TOR1AIP2: variants seen among roughly 807,000 people sequenced by gnomAD.
The protein encoded by TOR1AIP2 is torsin 1A interacting protein 2, also known as torsin-1A-interacting protein 2.
In TOR1AIP2, 20 loss-of-function variants were observed where a neutral mutation model predicts 32.6. That is an observed-to-expected ratio of 0.61 (90% confidence interval 0.43 to 0.89). The LOEUF is 0.89. Ranked by LOEUF, TOR1AIP2 falls within the 40% of genes least tolerant of loss-of-function variation. The probability of loss-of-function intolerance (pLI) is 0.00; values close to 1 mark genes in which losing one functional copy is unlikely to be tolerated. For missense variants in TOR1AIP2, 456 were observed against 553.8 expected, an observed-to-expected ratio of 0.82 and a Z score of 1.77; for synonymous variants, 214 against 210.8, an observed-to-expected ratio of 1.02 and a Z score of -0.13.
chr1:179,860,934 TC>T, intron 3 of TOR1AIP2: 1 of 985,522 alleles, frequency 1.0e-6, no homozygotes, highest in Non-Finnish European at 1.2e-6. Context: ...ATTTCTGCCT[TC>T]CTGTTTGCCT....
At chr1:179,849,039 G>A (rs1696023398) in intron 5 of TOR1AIP2, among the ~76,000 whole-genome samples, 1 of 152,134 alleles carries the variant, frequency 6.6e-6, no homozygotes, top group African/African-American at 2.4e-5. Context: ...GGGAGGCTGA[G>A]GCAGGAGAAT....
chr1:179,864,399 A>G, intron 3 of TOR1AIP2: 1 of 993,534 alleles, frequency 1.0e-6, no homozygotes, highest in Non-Finnish European at 1.2e-6. Flanking sequence ...GCTTTCCCAC[A>G]AAAGTTATCA....
At chr1:179,869,944 C>T (rs1196614645) in intron 2 of TOR1AIP2, among the ~76,000 whole-genome samples, 2 of 152,148 alleles carry the variant, frequency 1.3e-5, no homozygotes, top group African/African-American at 2.4e-5. Context: ...ACACTTTATT[C>T]GTATTAACTC....
chr1:179,872,736 G>A (rs552899158), intron 2 of TOR1AIP2, among the ~76,000 whole-genome samples: 110 of 152,096 alleles, frequency 7.2e-4, no homozygotes, highest in African/African-American at 2.4e-3. Flanking sequence ...CTCTAGTTTC[G>A]GTTGACCACG....
Position 179,841,099 on chromosome 1 carries a change from T to C in TOR1AIP2, c.*4972A>G, listed in dbSNP as rs1392534449. 6.6e-6 allele frequency: 1 copy of C among 152,024 alleles called. No homozygotes were observed. Among genetic ancestry groups the C allele is most frequent in the Non-Finnish European group, 1.5e-5 (1 of 67,914 alleles). 9.4% of individuals were successfully genotyped at this position (152,024 alleles called of 1,614,324 possible). Reference sequence around the variant, plus strand: ...CTGGAGAAACTGTTTTACAGGTATCTTAACTTTATTTAGCTCTCTGTAGAA... The same window carrying C: ...CTGGAGAAACTGTTTTACAGGTATCCTAACTTTATTTAGCTCTCTGTAGAA... On this transcript the variant is annotated 3_prime_UTR_variant, in exon 7 of 7. Coordinates refer to ENST00000609928, the MANE Select transcript of TOR1AIP2 (RefSeq NM_001199260.2).
Position 179,876,358 on chromosome 1 carries a change from C to A in TOR1AIP2, c.-566+881G>T, listed in dbSNP as rs1459015724. Among the ~76,000 whole-genome samples, 23 of 152,146 alleles carry A rather than the reference C, an allele frequency of 1.5e-4. 1 individual carries two copies. The highest frequency in any genetic ancestry group is 1.5e-3 in the Admixed American group (23 of 15,276). On this transcript the variant is annotated intron_variant, in intron 2 of 6. Coordinates refer to ENST00000609928, the MANE Select transcript of TOR1AIP2 (RefSeq NM_001199260.2). The stretch of plus-strand genomic sequence containing the variant: ...TAAATTATTGAAGCTCTCAAGCTAG[C>A]ATTACCTCTACATTAGGAAAGAAAC...
intron 2 of TOR1AIP2, among the ~76,000 whole-genome samples, chr1:179,872,972 C>T (rs479094): frequency 0.45 from 68,119 of 152,082 alleles, 16,565 homozygotes; most frequent in African/African-American, 0.65. Flanking sequence ...TAGCATCTTA[C>T]ATAATTAAAG....
chr1:179,851,017 T>A lies in TOR1AIP2; in HGVS notation c.381A>T (p.Arg127Ser). Residue 127 changes from arginine (R) to serine (S), a missense_variant, in exon 5 of 7, where the codon AGA becomes AGT. Physicochemically the swap from Arg to Ser is moderately radical, Grantham distance 110 (BLOSUM62 -1). Transcript: ENST00000609928. ...PSHSPSDKVG[R>S]ADAHLGSSSV... is the part of the protein sequence containing the mutation. ...AGCTGCTCCCTAAGTGTGCATCTGCTCTTCCTACCTTGTCACTTGGAGAAT... is the reference window on the plus strand; with the variant it reads ...AGCTGCTCCCTAAGTGTGCATCTGCACTTCCTACCTTGTCACTTGGAGAAT... The A allele has an allele frequency of 3.1e-6, 5 of 1,614,216 alleles. No homozygotes were observed. The highest frequency in any genetic ancestry group is 1.6e-4 in the Middle Eastern group (1 of 6,062).
chr1:179,875,926 A>C (rs1051397310), intron 2 of TOR1AIP2: 14 of 152,238 alleles, frequency 9.2e-5, no homozygotes, highest in Non-Finnish European at 1.8e-4. Flanking sequence ...CTTGTAGGAC[A>C]CAGTTTAATC....
At chr1:179,854,805 A>G (rs1168312535) in intron 3 of TOR1AIP2, among the ~76,000 whole-genome samples, 2 of 152,232 alleles carry the variant, frequency 1.3e-5, no homozygotes, top group Non-Finnish European at 1.5e-5. Context: ...CGGGAGGCAG[A>G]GGTTGCAGTG....
intron 5 of TOR1AIP2, among the ~76,000 whole-genome samples, chr1:179,848,382 C>T (rs1464841892): frequency 1.3e-5 from 2 of 152,134 alleles, no homozygotes; most frequent in Non-Finnish European, 2.9e-5. Flanking sequence ...AACAGAGGCA[C>T]TAAGTTCTAA....
At chr1:179,847,463 GTT>G in intron 6 of TOR1AIP2, 70 bp downstream of exon 6, 1 of 1,013,532 alleles carries the variant, frequency 9.9e-7, no homozygotes, top group Non-Finnish European at 1.6e-6. Context: ...AAATCTGCTA[GTT>G]TTCTAGGCAT....
In TOR1AIP2 at chr1:179,865,153, G is replaced by A. The variant is rs747002821; in HGVS notation, c.-147+283C>T. On this transcript the variant is annotated intron_variant, in intron 3 of 6. Coordinates refer to ENST00000609928, the MANE Select transcript of TOR1AIP2 (RefSeq NM_001199260.2). ...GGAACCACTGTTGTCCACAATCAGGGCAATGTGAATTATCTGAAAACATCT... is the reference window on the plus strand; with the variant it reads ...GGAACCACTGTTGTCCACAATCAGGACAATGTGAATTATCTGAAAACATCT... 2.5e-6 allele frequency: 4 copies of A among 1,608,672 alleles called. No individual in the cohort carries two copies. The African/African-American group carries it at 4.0e-5, about 16-fold the overall frequency.
intron 3 of TOR1AIP2, among the ~76,000 whole-genome samples, chr1:179,858,810 G>A (rs1696404976): frequency 6.6e-6 from 1 of 152,132 alleles, no homozygotes; most frequent in Non-Finnish European, 1.5e-5. Flanking sequence ...CAAATTGCTA[G>A]CATTGCCATG....
At chr1:179,864,111 T>C in intron 3 of TOR1AIP2, 15 of 985,428 alleles carry the variant, frequency 1.5e-5, no homozygotes, top group Non-Finnish European at 1.8e-5. Flanking sequence ...TATGGACAGG[T>C]GGCATTTCTG....
At chr1:179,856,205 C>T (rs1696296051) in intron 3 of TOR1AIP2, among the ~76,000 whole-genome samples, 1 of 152,056 alleles carries the variant, frequency 6.6e-6, no homozygotes, top group Admixed American at 6.6e-5. Flanking sequence ...AATATCTTTA[C>T]TGAGGTGGTG....
chr1:179,841,286 G>C lies in TOR1AIP2; in HGVS notation c.*4785C>G, dbSNP rs1364328346. On this transcript the variant is annotated 3_prime_UTR_variant, in exon 7 of 7. Coordinates refer to ENST00000609928, the MANE Select transcript of TOR1AIP2 (RefSeq NM_001199260.2). ...TACATTTTAAAATGAAATATGCTCA[G>C]GCTGATAAACAAACAAGATATTAAA... 7.2e-5 allele frequency: 11 copies of C among 152,076 alleles called. No homozygotes were observed. The highest frequency in any genetic ancestry group is 1.5e-4 in the Non-Finnish European group (10 of 68,018). The allele number at this position is 152,076 out of a possible 1,614,324, so 9.4% of individuals were successfully genotyped here. A position where few individuals can be genotyped will look rare whatever the true frequency, so the allele number is the denominator to read the frequency against.
At chr1:179,866,632 C>T (rs540311485) in intron 2 of TOR1AIP2, among the ~76,000 whole-genome samples, 2 of 152,174 alleles carry the variant, frequency 1.3e-5, no homozygotes, top group African/African-American at 2.4e-5. Context: ...CTCGAACTCC[C>T]GACCTCAGGT....
chr1:179,860,136 G>A, intron 3 of TOR1AIP2: 1 of 985,224 alleles, frequency 1.0e-6, no homozygotes, highest in Non-Finnish European at 1.2e-6. Context: ...TGAGCCACCA[G>A]CCAATAAGTT....
Sources: gnomAD v4.1 joint callset for allele counts (sites outside exome capture counted in the v4.1 genomes callset) on GRCh38, gnomAD v4.1.1 for gene constraint, MANE v1.5 for transcripts, NCBI Gene and HGNC (gene_info 2026-07-23, HGNC 2026-07-21) for gene names.